The following MRPS14 variants were observed in gnomAD, a reference collection of about 807,000 sequenced individuals.
The protein encoded by MRPS14 is mitochondrial ribosomal protein S14, also known as small ribosomal subunit protein uS14m.
Under a neutral mutation model 16.4 loss-of-function variants are expected in MRPS14, and 14 were observed. The ratio of observed to expected loss-of-function variants is 0.85; its 90% confidence interval spans 0.56 to 1.33. The LOEUF (loss-of-function observed/expected upper bound fraction) is 1.33, where lower values mean the gene tolerates loss of function less well. Among genes scored for constraint, MRPS14 ranks in the 40% most tolerant of loss-of-function variants. The pLI is 0.00. For missense variants in MRPS14, 162 were observed against 176.8 expected (o/e 0.92, Z 0.48); for synonymous variants, 54 against 61.9 (o/e 0.87, Z 0.60).
Position 175,013,770 on chromosome 1 carries a change from T to A in MRPS14, c.*899A>T, listed in dbSNP as rs1025606300. The A allele has an allele frequency of 1.3e-5, 2 of 152,248 alleles. No individual in the cohort carries two copies. The highest frequency in any genetic ancestry group is 2.9e-5 in the Non-Finnish European group (2 of 68,038). 9.4% of individuals were successfully genotyped at this position (152,248 alleles called of 1,614,324 possible). A position where few individuals can be genotyped will look rare whatever the true frequency, so the allele number is the denominator to read the frequency against. Reference sequence around the variant, plus strand: ...CATATTTCTGATCTACTGAAGTGACTGTGGTTCTCTGATGCTACAGAGTGC... The same window carrying A: ...CATATTTCTGATCTACTGAAGTGACAGTGGTTCTCTGATGCTACAGAGTGC... On this transcript the variant is annotated 3_prime_UTR_variant, in exon 3 of 3. Transcript: ENST00000476371.
intron 2 of MRPS14, among the ~76,000 whole-genome samples, chr1:175,016,107 G>A (rs1284904250): frequency 6.6e-6 from 1 of 151,384 alleles, no homozygotes; most frequent in African/African-American, 2.4e-5. Context: ...TAAGGCAGCA[G>A]AATCGCTTGA....
At chr1:175,017,863 C>T (rs1672911542) in intron 2 of MRPS14, among the ~76,000 whole-genome samples, 1 of 152,206 alleles carries the variant, frequency 6.6e-6, no homozygotes, top group Non-Finnish European at 1.5e-5. Context: ...CAGTGGCTCA[C>T]ACCTGTAATC....
At chr1:175,015,631 G>T (rs1672868008) in intron 2 of MRPS14, among the ~76,000 whole-genome samples, 1 of 152,166 alleles carries the variant, frequency 6.6e-6, no homozygotes, top group Non-Finnish European at 1.5e-5. Flanking sequence ...GGGCAAAGTG[G>T]TTGAGGGGAG....
rs1401363378 is a variant in MRPS14 at position 175,014,377 on chromosome 1, A to G, written c.*292T>C. On this transcript the variant is annotated 3_prime_UTR_variant, in exon 3 of 3. Coordinates refer to ENST00000476371, the MANE Select transcript of MRPS14 (RefSeq NM_022100.3). ...AAAAACCCCTATATGTTACTAAAAG[A>G]TTAAACTTAAAAGGAGGGTATAAAA... 2.4e-6 allele frequency: 1 copy of G among 412,700 alleles called. No individual in the cohort carries two copies. The highest frequency in any genetic ancestry group is 2.0e-5 in the African/African-American group (1 of 48,828). The allele number at this position is 412,700 out of a possible 1,614,324, so 25.6% of individuals were successfully genotyped here.
At chr1:175,023,172 T>G (rs892958482) in intron 1 of MRPS14, 192 bp downstream of exon 1, 1 of 1,400,840 alleles carries the variant, frequency 7.1e-7, no homozygotes, top group South Asian at 1.4e-5. Context: ...GTTAGTCATA[T>G]GCTTACGAAA....
Position 175,018,518 on chromosome 1 carries a change from C to G in MRPS14, c.104G>C (p.Trp35Ser), listed in dbSNP as rs1319254440. 1 of 1,613,052 alleles carries G rather than the reference C, an allele frequency of 6.2e-7. No homozygotes were observed. Among genetic ancestry groups the G allele is most frequent in the East Asian group, 2.2e-5 (1 of 44,822 alleles). ...CATTTTTCGTCTCTTCACATCGCGC[C>G]ACATTCTCCAGTCTACATAGTGACT... ...VRSHYVDWRMWRDVKRRKMAY... is the reference protein window; with the variant it reads ...VRSHYVDWRMSRDVKRRKMAY... Residue 35 changes from tryptophan (W) to serine (S), a missense_variant, in exon 2 of 3, where the codon TGG (tryptophan) becomes TCG (serine). Trp to Ser is a radical substitution (Grantham distance 177). Coordinates refer to ENST00000476371, the MANE Select transcript of MRPS14 (RefSeq NM_022100.3).
chr1:175,015,962 C>T (rs962947754), intron 2 of MRPS14, among the ~76,000 whole-genome samples: 2 of 152,192 alleles, frequency 1.3e-5, no homozygotes, highest in Non-Finnish European at 2.9e-5. Flanking sequence ...CTTTGGGACG[C>T]CGAGGCAGGC....
Position 175,014,527 on chromosome 1 carries a change from T to C in MRPS14, c.*142A>G. 2 of 685,982 alleles carry C rather than the reference T, an allele frequency of 2.9e-6. No individual in the cohort carries two copies. Among genetic ancestry groups the C allele is most frequent in the South Asian group, 2.7e-5 (1 of 36,692 alleles). The allele number at this position is 685,982 out of a possible 1,614,324, so 42.5% of individuals were successfully genotyped here. A position where few individuals can be genotyped will look rare whatever the true frequency, so the allele number is the denominator to read the frequency against. On this transcript the variant is annotated 3_prime_UTR_variant, in exon 3 of 3. Coordinates refer to ENST00000476371, the MANE Select transcript of MRPS14 (RefSeq NM_022100.3). ...CACCCAAATGTCTTCATTTTAAAAGTAGTTTAGAGATAGCATCAGGTAGGC... is the reference window on the plus strand; with the variant it reads ...CACCCAAATGTCTTCATTTTAAAAGCAGTTTAGAGATAGCATCAGGTAGGC...
In MRPS14 at chr1:175,018,956, A is replaced by G. The variant is rs142764178; in HGVS notation, c.46-380T>C. Reference sequence around the variant, plus strand: ...CCCCACCTCATTCCTCACCTGCCCAATGACTCCCTTGCCCCACAGGTATCC... The same window carrying G: ...CCCCACCTCATTCCTCACCTGCCCAGTGACTCCCTTGCCCCACAGGTATCC... On this transcript the variant is annotated intron_variant, in intron 1 of 2. Transcript: ENST00000476371. Among the ~76,000 whole-genome samples, 547 of 152,246 alleles carry G rather than the reference A, an allele frequency of 3.6e-3. 4 individuals carry two copies. The highest frequency in any genetic ancestry group is 0.012 in the African/African-American group (512 of 41,548).
chr1:175,020,762 TA>T (rs1436007718), intron 1 of MRPS14, among the ~76,000 whole-genome samples: 1 of 152,192 alleles, frequency 6.6e-6, no homozygotes, highest in Non-Finnish European at 1.5e-5. Context: ...TAAAATAAAA[TA>T]TTTATTGGCC....
chr1:175,019,249 T>G (rs1411198570), intron 1 of MRPS14, among the ~76,000 whole-genome samples: 1 of 152,174 alleles, frequency 6.6e-6, no homozygotes, highest in Non-Finnish European at 1.5e-5. Flanking sequence ...ATTTCATATG[T>G]ATTCCTATAT....
intron 2 of MRPS14, 82 bp from the exon 3 acceptor site, chr1:175,014,933 C>CTTTTTT (rs368085151): frequency 7.8e-6 from 6 of 768,840 alleles, no homozygotes; most frequent in South Asian, 2.2e-5. Flanking sequence ...AGGTAATTTT[C>CTTTTTT]TTTTCTTTTT....
rs1262713945 is a variant in MRPS14, at chr1:175,012,973, T to A, written c.*1696A>T. 1 of 152,212 alleles carries A rather than the reference T, an allele frequency of 6.6e-6. No individual in the cohort carries two copies. The highest frequency in any genetic ancestry group is 1.5e-5 in the Non-Finnish European group (1 of 68,036). The allele number at this position is 152,212 out of a possible 1,614,324, so 9.4% of individuals were successfully genotyped here. A position where few individuals can be genotyped will look rare whatever the true frequency, so the allele number is the denominator to read the frequency against. The stretch of plus-strand genomic sequence containing the variant: ...TACCAACGCATTGTGGATTAGATTT[T>A]AATGTGAATTTTGGAAGTACACAAA... On this transcript the variant is annotated 3_prime_UTR_variant, in exon 3 of 3. Coordinates refer to ENST00000476371, the MANE Select transcript of MRPS14 (RefSeq NM_022100.3).
chr1:175,014,736 CTA>C lies in MRPS14; in HGVS notation c.318_319del (p.Arg108TyrfsTer8). On this transcript the variant is annotated frameshift_variant, in exon 3 of 3. Coordinates refer to ENST00000476371, the MANE Select transcript of MRPS14 (RefSeq NM_022100.3). LOFTEE classifies it high-confidence loss of function. ...AGCTAAGTGACGGAAGACTATACGA[CTA>C]AGCCTCCAGCGCCGCTTCACACCAC... The C allele has an allele frequency of 4.3e-6, 7 of 1,614,146 alleles. No homozygotes were observed. Among genetic ancestry groups the C allele is most frequent in the Non-Finnish European group, 5.9e-6 (7 of 1,180,024 alleles).
At position 175,013,746 on chromosome 1, in the gene MRPS14, A is replaced by C. The variant is rs892103086; in HGVS notation, c.*923T>G. On this transcript the variant is annotated 3_prime_UTR_variant, in exon 3 of 3. Transcript: ENST00000476371. ...CAATACGGGCCTTGTCTTGTGCTTC[A>C]TATTTCTGATCTACTGAAGTGACTG... 2 of 152,178 alleles carry C rather than the reference A, an allele frequency of 1.3e-5. No homozygotes were observed. Among genetic ancestry groups the C allele is most frequent in the East Asian group, 1.9e-4 (1 of 5,202 alleles). The allele number at this position is 152,178 out of a possible 1,614,324, so 9.4% of individuals were successfully genotyped here.
At chr1:175,019,019 T>C (rs1672932554) in intron 1 of MRPS14, among the ~76,000 whole-genome samples, 2 of 152,202 alleles carry the variant, frequency 1.3e-5, no homozygotes, top group African/African-American at 4.8e-5. Context: ...CAGAGATTTT[T>C]GTCTGTATAC....
Position 175,014,482 on chromosome 1 carries a change from GATA to G in MRPS14, c.*184_*186del, listed in dbSNP as rs1222087014. The G allele has an allele frequency of 1.9e-6, 1 of 539,406 alleles. No individual in the cohort carries two copies. Among genetic ancestry groups the G allele is most frequent in the African/African-American group, 1.9e-5 (1 of 52,498 alleles). 33.4% of individuals were successfully genotyped at this position (539,406 alleles called of 1,614,324 possible). A position where few individuals can be genotyped will look rare whatever the true frequency, so the allele number is the denominator to read the frequency against. On this transcript the variant is annotated 3_prime_UTR_variant, in exon 3 of 3. Coordinates refer to ENST00000476371, the MANE Select transcript of MRPS14 (RefSeq NM_022100.3). ...TATGTTTGTTAAGTCCAAGAGAAAA[GATA>G]ATTCACTGACATGAAACACCCAAAT... is the stretch of plus-strand genomic sequence containing the variant.
intron 1 of MRPS14, among the ~76,000 whole-genome samples, chr1:175,020,610 G>T (rs1297190597): frequency 2.6e-5 from 4 of 152,064 alleles, no homozygotes; most frequent in African/African-American, 7.2e-5. Context: ...CCAGGTTCAA[G>T]CGATTCTCCT....
chr1:175,014,835 T>G lies in MRPS14; in HGVS notation c.221A>C (p.Glu74Ala). The change falls in exon 3 of 3, where the codon GAA becomes GCA. Residue 74 changes from glutamate (E) to alanine (A), a missense_variant. Physicochemically the swap from Glu to Ala is moderately radical, Grantham distance 107 (BLOSUM62 -1). Transcript: ENST00000476371. ...GCTATCCCGGGGGAGGGCAGCAATT[T>G]CTTCATCAGCCACATCCTAAGGGAA... ...PKILQDVADE[E>A]IAALPRDSCP... 1 of 1,614,036 alleles carries G rather than the reference T, an allele frequency of 6.2e-7. No homozygotes were observed. Among genetic ancestry groups the G allele is most frequent in the South Asian group, 1.1e-5 (1 of 91,080 alleles).
Sources: gnomAD v4.1 joint callset for allele counts (sites outside exome capture counted in the v4.1 genomes callset) on GRCh38, gnomAD v4.1.1 for gene constraint, MANE v1.5 for transcripts, NCBI Gene and HGNC (gene_info 2026-07-23, HGNC 2026-07-21) for gene names.